TSPAN7: variants seen among roughly 807,000 people sequenced by gnomAD.
TSPAN7 encodes tetraspanin 7.
In TSPAN7, 1 loss-of-function variant was observed where a neutral mutation model predicts 17.6. The observed-to-expected ratio is 0.06, with a 90% CI of 0.02 to 0.27. TSPAN7 has a LOEUF of 0.27. TSPAN7 is among the 10% of genes least tolerant of loss of function. The pLI is 1.00. For synonymous variants in TSPAN7, 78 were observed against 79.0 expected, an observed-to-expected ratio of 0.99 and a Z score of 0.07; for missense variants, 112 against 201.7, an observed-to-expected ratio of 0.56 and a Z score of 2.69.
intron 4 of TSPAN7, among the ~76,000 whole-genome samples, chrX:38,675,139 G>A (rs1158364612): frequency 8.9e-6 from 1 of 111,901 alleles, no homozygotes; most frequent in African/African-American, 3.3e-5. Context: ...CATAAACTCT[G>A]TCACAACTAC....
At chrX:38,567,653 A>G (rs1191316285) in intron 1 of TSPAN7, among the ~76,000 whole-genome samples, 2 of 112,690 alleles carry the variant, frequency 1.8e-5, no homozygotes, top group Non-Finnish European at 3.8e-5. Flanking sequence ...AGTAGTCAAT[A>G]GAATGTGTAC....
intron 1 of TSPAN7, among the ~76,000 whole-genome samples, chrX:38,624,875 T>A (rs758631497): frequency 2.7e-5 from 3 of 112,529 alleles, no homozygotes; most frequent in Non-Finnish European, 5.6e-5. Flanking sequence ...GGAATCAGGA[T>A]TTTTTAAAGC....
intron 1 of TSPAN7, among the ~76,000 whole-genome samples, chrX:38,636,336 C>T (rs2069579601): frequency 8.9e-6 from 1 of 112,252 alleles, no homozygotes; most frequent in African/African-American, 3.2e-5. Flanking sequence ...AACCGTTACT[C>T]ATTCTCTTCT....
At chrX:38,672,165 T>G (rs2069825062) in intron 3 of TSPAN7, among the ~76,000 whole-genome samples, 1 of 111,013 alleles carries the variant, frequency 9.0e-6, no homozygotes, top group African/African-American at 3.3e-5. Flanking sequence ...CAAAATTTTA[T>G]CATTGACTCT....
chrX:38,600,292 A>T (rs1171543047), intron 1 of TSPAN7, among the ~76,000 whole-genome samples: 1 of 111,468 alleles, frequency 9.0e-6, no homozygotes, highest in Non-Finnish European at 1.9e-5. Flanking sequence ...GCAGGAGAGG[A>T]TAGATATTTG....
rs138836446 is a variant in TSPAN7 at position 38,612,950 on chromosome X, A to C, written c.81+51323A>C. ...TGACATGGGTTTGTTTTCATCCACT[A>C]TGCTGGGCATTCTATGACATACTAT... On this transcript the variant is annotated intron_variant, in intron 1 of 7. Coordinates refer to ENST00000378482, the MANE Select transcript of TSPAN7 (RefSeq NM_004615.4). 2.3e-3 allele frequency among the ~76,000 whole-genome samples: 259 copies of C among 111,754 alleles called. 2 individuals are homozygous for C. Among genetic ancestry groups the C allele is most frequent in the African/African-American group, 8.1e-3 (251 of 30,815 alleles).
At chrX:38,651,862 A>G (rs1347869115) in intron 1 of TSPAN7, among the ~76,000 whole-genome samples, 1 of 112,239 alleles carries the variant, frequency 8.9e-6, no homozygotes, top group African/African-American at 3.2e-5. Context: ...ATCCTTGTCT[A>G]TATGTGAAAA....
In TSPAN7 at chrX:38,674,133, G is replaced by A. The variant is rs943139683; in HGVS notation, c.346-88G>A. 15 of 689,575 alleles carry A rather than the reference G, an allele frequency of 2.2e-5. No individual in the cohort carries two copies. The African/African-American group carries it at 3.0e-4, about 14-fold the overall frequency. The allele number at this position is 689,575 out of a possible 1,213,427, so 56.8% of individuals were successfully genotyped here. A position where few individuals can be genotyped will look rare whatever the true frequency, so the allele number is the denominator to read the frequency against. ...TACATTTATACAGAGACTTTCAGAAGAGGCTATGTTAGGGTAGAATTTGGT... is the reference window on the plus strand; with the variant it reads ...TACATTTATACAGAGACTTTCAGAAAAGGCTATGTTAGGGTAGAATTTGGT... On this transcript the variant is annotated intron_variant, in intron 3 of 7. Transcript: ENST00000378482.
At chrX:38,564,953 G>A (rs994765101) in intron 1 of TSPAN7, among the ~76,000 whole-genome samples, 1 of 109,853 alleles carries the variant, frequency 9.1e-6, no homozygotes, top group East Asian at 2.9e-4. Context: ...AAGTACAAAA[G>A]TTTATTTTTA....
chrX:38,661,830 G>GT (rs1412554362), intron 1 of TSPAN7, among the ~76,000 whole-genome samples: 15 of 82,004 alleles, frequency 1.8e-4, no homozygotes, highest in Non-Finnish European at 4.1e-4. Flanking sequence ...GGAGAGAGAT[G>GT]TTTTAAAAAA....
intron 1 of TSPAN7, among the ~76,000 whole-genome samples, chrX:38,576,233 C>A (rs2069193438): frequency 9.0e-6 from 1 of 111,587 alleles, no homozygotes; most frequent in Non-Finnish European, 1.9e-5. Flanking sequence ...CCGATCCTTA[C>A]CCTCAAGAAT....
At chrX:38,603,363 T>C (rs955753845) in intron 1 of TSPAN7, among the ~76,000 whole-genome samples, 10 of 112,022 alleles carry the variant, frequency 8.9e-5, no homozygotes, top group African/African-American at 2.6e-4. Flanking sequence ...CCTTAAGTGG[T>C]TAAACATAGA....
At chrX:38,584,804 C>A (rs926017599) in intron 1 of TSPAN7, among the ~76,000 whole-genome samples, 1 of 112,046 alleles carries the variant, frequency 8.9e-6, no homozygotes, top group East Asian at 2.8e-4. Flanking sequence ...CTATCATGTT[C>A]TCCTCATTCC....
chrX:38,561,662 T>C, intron 1 of TSPAN7, 35 bp downstream of exon 1: 1 of 1,119,166 alleles, frequency 8.9e-7, no homozygotes, highest in Non-Finnish European at 1.2e-6. Flanking sequence ...GCCGAGTCGC[T>C]GTCCATCGGT....
At chrX:38,644,563 G>T (rs1366265050) in intron 1 of TSPAN7, among the ~76,000 whole-genome samples, 3 of 111,660 alleles carry the variant, frequency 2.7e-5, no homozygotes, top group African/African-American at 9.8e-5. Flanking sequence ...TGTAATAGAA[G>T]TTGTTTAGAG....
intron 1 of TSPAN7, chrX:38,563,019 C>A: frequency 1.0e-6 from 1 of 970,842 alleles, no homozygotes; most frequent in Non-Finnish European, 1.3e-6. Context: ...AGCTAGATGG[C>A]AAACCGGACT....
intron 1 of TSPAN7, among the ~76,000 whole-genome samples, chrX:38,629,153 A>G: frequency 8.9e-6 from 1 of 112,344 alleles, no homozygotes; most frequent in Non-Finnish European, 1.9e-5. Flanking sequence ...ATTCTTTGCA[A>G]TCTGGTGTGG....
In TSPAN7 at chrX:38,618,990, A is replaced by G. The variant is rs187867051; in HGVS notation, c.82-47131A>G. On this transcript the variant is annotated intron_variant, in intron 1 of 7. Coordinates refer to ENST00000378482, the MANE Select transcript of TSPAN7 (RefSeq NM_004615.4). ...CTTTGGCACCTGTGCCTTGCTAAGG[A>G]TTTCATCCCTATCTTGTCTTTGTCC... 6.0e-3 allele frequency among the ~76,000 whole-genome samples: 666 copies of G among 111,466 alleles called. 20 individuals are homozygous for G. The highest frequency in any genetic ancestry group is 0.059 in the Admixed American group (631 of 10,610).
intron 1 of TSPAN7, among the ~76,000 whole-genome samples, chrX:38,632,086 T>C (rs1169296879): frequency 9.0e-6 from 1 of 111,499 alleles, no homozygotes. Flanking sequence ...CATTCTCTAG[T>C]GGATTGATTC....
Sources: allele counts gnomAD v4.1 joint callset (sites outside exome capture counted in the v4.1 genomes callset), GRCh38; gene constraint gnomAD v4.1.1; transcripts MANE v1.5; gene names NCBI Gene and HGNC (gene_info 2026-07-23, HGNC 2026-07-21).